The following RNF185 variants were observed in gnomAD, a reference collection of about 807,000 sequenced individuals.
RNF185 encodes ring finger protein 185, also known as E3 ubiquitin-protein ligase RNF185.
Under a neutral mutation model 24.9 loss-of-function variants are expected in RNF185, and 13 were observed. The ratio of observed to expected loss-of-function variants is 0.52; its 90% confidence interval spans 0.34 to 0.83. The LOEUF (loss-of-function observed/expected upper bound fraction) is 0.83, where lower values mean the gene tolerates loss of function less well. RNF185 is among the 40% of genes least tolerant of loss of function. The pLI is 0.01. For synonymous variants in RNF185, 79 were observed against 90.3 expected, an observed-to-expected ratio of 0.88 and a Z score of 0.71; for missense variants, 184 against 244.7, an observed-to-expected ratio of 0.75 and a Z score of 1.65.
intron 1 of RNF185, among the ~76,000 whole-genome samples, chr22:31,165,190 T>C (rs887170995): frequency 2.0e-5 from 3 of 152,132 alleles, no homozygotes; most frequent in Non-Finnish European, 4.4e-5. Flanking sequence ...AGTGCTGGGA[T>C]TACAGGTGTG....
At chr22:31,191,035 A>AT (rs2048151067) in intron 2 of RNF185, among the ~76,000 whole-genome samples, 1 of 152,248 alleles carries the variant, frequency 6.6e-6, no homozygotes, top group Non-Finnish European at 1.5e-5. Flanking sequence ...GTAGTAAGCT[A>AT]TTTCAGCTAG....
At position 31,195,526 on chromosome 22, in the gene RNF185, C is replaced by A. The variant is rs61736799; in HGVS notation, c.253C>A (p.Arg85=). 1,264 of 1,611,572 alleles carry A rather than the reference C, an allele frequency of 7.8e-4. 7 individuals carry two copies. The African/African-American group carries it at 0.014, about 18-fold the overall frequency. ...TCCTGTTTGCAAAGCTGGCATCAGC[C>A]GAGACAAGGTCATCCCCCTCTATGG... ...VCPVCKAGIS[R]DKVIPLYGRG... Residue 85 remains arginine (R), a synonymous_variant, in exon 4 of 7, where the codon CGA becomes AGA. Transcript: ENST00000326132.
At chr22:31,167,363 G>A (rs1441042759) in intron 1 of RNF185, among the ~76,000 whole-genome samples, 1 of 151,902 alleles carries the variant, frequency 6.6e-6, no homozygotes, top group Non-Finnish European at 1.5e-5. Flanking sequence ...GTACAATTCA[G>A]TGGCATTAAG....
chr22:31,193,385 C>T (rs1305488093), intron 3 of RNF185, among the ~76,000 whole-genome samples: 3 of 152,174 alleles, frequency 2.0e-5, no homozygotes, highest in Non-Finnish European at 4.4e-5. Flanking sequence ...TTATGAAGAA[C>T]ACATAACACA....
chr22:31,202,798 T>C (rs778857487), intron 6 of RNF185, among the ~76,000 whole-genome samples: 5 of 151,924 alleles, frequency 3.3e-5, no homozygotes, highest in African/African-American at 4.8e-5. Flanking sequence ...TATTTTTTTG[T>C]AGAGACAGGG....
At chr22:31,196,819 G>A in intron 4 of RNF185, 117 bp from the exon 5 acceptor site, 1 of 1,357,234 alleles carries the variant, frequency 7.4e-7, no homozygotes, top group Non-Finnish European at 1.0e-6. Context: ...ATAAGTTCAT[G>A]TCCTGGACAA....
intron 1 of RNF185, among the ~76,000 whole-genome samples, chr22:31,162,183 A>T (rs1923620394): frequency 6.6e-6 from 1 of 152,194 alleles, no homozygotes; most frequent in Admixed American, 6.5e-5. Flanking sequence ...AGTTCTGCTG[A>T]CTTGCTCCCC....
chr22:31,199,358 T>G (rs907598497), intron 5 of RNF185, among the ~76,000 whole-genome samples: 2 of 152,192 alleles, frequency 1.3e-5, no homozygotes, highest in Admixed American at 6.5e-5. Context: ...TATTGAAGTC[T>G]CTGCTCTTGA....
chr22:31,201,624 C>T lies in RNF185; in HGVS notation c.481+9C>T. 6.3e-7 allele frequency: 1 copy of T among 1,576,208 alleles called. No individual in the cohort carries two copies. Among genetic ancestry groups the T allele is most frequent in the Non-Finnish European group, 8.7e-7 (1 of 1,146,178 alleles). ...TGGGCGGCCTCCTCCAGGTAAGACC[C>T]TATTTCCTTGAGAAATTAGGAAGAT... On this transcript the variant is annotated intron_variant, in intron 6 of 6. Transcript: ENST00000326132.
rs531228470 is a variant in RNF185, at chr22:31,170,441, G to C, written c.-49+10138G>C. Among the ~76,000 whole-genome samples the C allele has an allele frequency of 5.0e-4, 76 of 152,072 alleles. No individual in the cohort carries two copies. The East Asian group carries it at 0.014, about 29-fold the overall frequency. On this transcript the variant is annotated intron_variant, in intron 1 of 6. Transcript: ENST00000326132. ...CCTTACCTTGTGATCCACCCGCCTT[G>C]GCCTCCCAAAGTGCTGGGATTACAG...
At chr22:31,184,787 C>T (rs62237396) in intron 1 of RNF185, among the ~76,000 whole-genome samples, 12,964 of 151,988 alleles carry the variant, frequency 0.085, 843 homozygotes, top group East Asian at 0.4. Context: ...TGGCGGCGCG[C>T]GCCTGCAATC....
chr22:31,203,745 AT>A (rs1204526331), intron 6 of RNF185, among the ~76,000 whole-genome samples: 1 of 151,740 alleles, frequency 6.6e-6, no homozygotes, highest in Non-Finnish European at 1.5e-5. Context: ...GGGTTTAGAA[AT>A]TTTTTTTGGC....
At chr22:31,180,148 C>A (rs1181541075) in intron 1 of RNF185, among the ~76,000 whole-genome samples, 2 of 152,008 alleles carry the variant, frequency 1.3e-5, no homozygotes, top group African/African-American at 2.4e-5. Flanking sequence ...TATTATTATT[C>A]TTTTGACTGA....
intron 1 of RNF185, among the ~76,000 whole-genome samples, chr22:31,168,587 A>G (rs1924082503): frequency 6.6e-6 from 1 of 152,226 alleles, no homozygotes; most frequent in Non-Finnish European, 1.5e-5. Context: ...ACCTAGAGGT[A>G]GAATTGCTGG....
At chr22:31,160,681 G>A (rs913657168) in intron 1 of RNF185, among the ~76,000 whole-genome samples, 1 of 152,210 alleles carries the variant, frequency 6.6e-6, no homozygotes, top group African/African-American at 2.4e-5. Context: ...TGGGCTGAAA[G>A]TAAGAGACCT....
rs567671548 is a variant in RNF185, at chr22:31,184,694, A to G, written c.-48-2353A>G. ...CTCGGGAGGCCGAGGCTGGCAGACC[A>G]CTGGCGGTCAGGAGCTGGAGACCAG... On this transcript the variant is annotated intron_variant, in intron 1 of 6. Coordinates refer to ENST00000326132, the MANE Select transcript of RNF185 (RefSeq NM_152267.4). Among the ~76,000 whole-genome samples, 5 of 152,326 alleles carry G rather than the reference A, an allele frequency of 3.3e-5. No homozygotes were observed. The East Asian group carries it at 7.7e-4, about 24-fold the overall frequency.
chr22:31,178,537 G>A (rs1390593381), intron 1 of RNF185, among the ~76,000 whole-genome samples: 1 of 152,136 alleles, frequency 6.6e-6, no homozygotes, highest in Non-Finnish European at 1.5e-5. Flanking sequence ...TCTTTCGTGG[G>A]GTGAGAGGAT....
intron 1 of RNF185, among the ~76,000 whole-genome samples, chr22:31,184,008 C>T (rs1350348554): frequency 2.8e-5 from 4 of 143,532 alleles, no homozygotes; most frequent in Non-Finnish European, 4.5e-5. Context: ...GCTGGCCGGG[C>T]GGGGGCTGCC....
chr22:31,194,263 A>G (rs2048183169), intron 3 of RNF185, among the ~76,000 whole-genome samples: 1 of 152,098 alleles, frequency 6.6e-6, no homozygotes, highest in South Asian at 2.1e-4. Context: ...TTTTTTTTAT[A>G]TTGAAAGAAA....
Sources: gnomAD v4.1 joint callset for allele counts (sites outside exome capture counted in the v4.1 genomes callset) on GRCh38, gnomAD v4.1.1 for gene constraint, MANE v1.5 for transcripts, NCBI Gene and HGNC (gene_info 2026-07-23, HGNC 2026-07-21) for gene names.